TAOK1: variants seen among roughly 807,000 people sequenced by gnomAD.
TAOK1 encodes serine/threonine-protein kinase TAO1.
In TAOK1, 21 loss-of-function variants were observed where a neutral mutation model predicts 138.3. The ratio of observed to expected loss-of-function variants is 0.15; its 90% CI spans 0.11 to 0.22. The LOEUF (loss-of-function observed/expected upper bound fraction) is 0.22. TAOK1 is among the 10% of genes least tolerant of loss of function. The pLI, the probability that TAOK1 is intolerant of heterozygous loss-of-function variation, is 1.00. For synonymous variants in TAOK1, 361 were observed against 398.4 expected, an observed-to-expected ratio of 0.91 and a Z score of 1.12; for missense variants, 651 against 1,227.7, an observed-to-expected ratio of 0.53 and a Z score of 7.02.
chr17:29,468,835 C>T lies in TAOK1; in HGVS notation c.204+1619C>T, dbSNP rs1427367675. Among the ~76,000 whole-genome samples, 4 of 152,322 alleles carry T rather than the reference C, an allele frequency of 2.6e-5. No individual in the cohort carries two copies. The South Asian group carries it at 6.2e-4, about 24-fold the overall frequency. On this transcript the variant is annotated intron_variant, in intron 3 of 19. Coordinates refer to ENST00000261716, the MANE Select transcript of TAOK1 (RefSeq NM_020791.4). ...AAGTACTGAGATTACAGGCGTGAGC[C>T]ACCGCACCTAGCCTGTGATCTTTAA...
At chr17:29,391,991 C>T (rs1033628582) in intron 1 of TAOK1, among the ~76,000 whole-genome samples, 28 of 152,108 alleles carry the variant, frequency 1.8e-4, no homozygotes, top group Admixed American at 1.2e-3. Flanking sequence ...CCAAGGCGGG[C>T]GGATCACGAA....
At chr17:29,470,595 T>G (rs965828759) in intron 3 of TAOK1, among the ~76,000 whole-genome samples, 2 of 152,180 alleles carry the variant, frequency 1.3e-5, no homozygotes, top group Non-Finnish European at 2.9e-5. Context: ...TATATAGTTA[T>G]CAACATGATT....
chr17:29,432,315 T>A (rs1459715280), intron 1 of TAOK1, among the ~76,000 whole-genome samples: 2 of 152,208 alleles, frequency 1.3e-5, no homozygotes, highest in Non-Finnish European at 2.9e-5. Context: ...AGATCACTCA[T>A]GGTATTGTTT....
chr17:29,475,930 G>T (rs533451070), intron 4 of TAOK1, among the ~76,000 whole-genome samples, 159 bp downstream of exon 4: 106 of 152,296 alleles, frequency 7.0e-4, no homozygotes, highest in African/African-American at 2.5e-3. Flanking sequence ...GAACTTGTAG[G>T]CAGTAAGAGA....
At chr17:29,522,254 C>G in intron 16 of TAOK1, 26 bp from the exon 17 acceptor site, 7 of 1,611,572 alleles carry the variant, frequency 4.3e-6, no homozygotes, top group South Asian at 1.1e-5. Context: ...GTAAGTTATA[C>G]CTTTGTCTTT....
chr17:29,499,696 A>T (rs1466854588), intron 12 of TAOK1, among the ~76,000 whole-genome samples: 1 of 151,064 alleles, frequency 6.6e-6, no homozygotes, highest in African/African-American at 2.4e-5. Context: ...AGTAGCTGGG[A>T]TTACAGGTGT....
At chr17:29,392,457 ATGTT>A (rs1282297814) in intron 1 of TAOK1, among the ~76,000 whole-genome samples, 1 of 152,000 alleles carries the variant, frequency 6.6e-6, no homozygotes. Flanking sequence ...GCTACCTGTC[ATGTT>A]TGTCTGAAAG....
chr17:29,513,125 C>T (rs2031754398), intron 15 of TAOK1: 1 of 124,794 alleles, frequency 8.0e-6, no homozygotes, highest in Non-Finnish European at 1.6e-5. Flanking sequence ...TACTGTGATA[C>T]ATCGATTGAT....
intron 1 of TAOK1, among the ~76,000 whole-genome samples, chr17:29,394,818 G>A (rs1433739303): frequency 6.6e-6 from 1 of 152,214 alleles, no homozygotes; most frequent in Non-Finnish European, 1.5e-5. Flanking sequence ...TTCTGGGCTG[G>A]GCAAAGTGGC....
intron 1 of TAOK1, among the ~76,000 whole-genome samples, chr17:29,440,407 A>AC (rs1468491802): frequency 6.6e-6 from 1 of 151,908 alleles, no homozygotes; most frequent in Non-Finnish European, 1.5e-5. Context: ...CTGCTCCACA[A>AC]CCCCCCAAAA....
At chr17:29,407,478 C>G (rs1905026508) in intron 1 of TAOK1, among the ~76,000 whole-genome samples, 1 of 152,124 alleles carries the variant, frequency 6.6e-6, no homozygotes, top group Non-Finnish European at 1.5e-5. Flanking sequence ...CAGAGTCTCA[C>G]TCTGTCACCC....
At chr17:29,492,539 T>A (rs1301924013) in intron 10 of TAOK1, among the ~76,000 whole-genome samples, 1 of 151,510 alleles carries the variant, frequency 6.6e-6, no homozygotes, top group Non-Finnish European at 1.5e-5. Context: ...ACGCCTGTAA[T>A]CCCAGCACTT....
At chr17:29,526,331 T>C (rs2032008931) in intron 17 of TAOK1, among the ~76,000 whole-genome samples, 2 of 152,192 alleles carry the variant, frequency 1.3e-5, no homozygotes, top group Non-Finnish European at 2.9e-5. Context: ...GAATGGATGC[T>C]ATTTTACTGA....
At chr17:29,395,057 C>T (rs1904553135) in intron 1 of TAOK1, among the ~76,000 whole-genome samples, 1 of 151,844 alleles carries the variant, frequency 6.6e-6, no homozygotes, top group African/African-American at 2.4e-5. Context: ...GCCTGGGCAA[C>T]ATAGTGAGAC....
At chr17:29,457,089 CTTTTTTTTTTTTTTTTTTTTTT>C (rs1225336026) in intron 2 of TAOK1, among the ~76,000 whole-genome samples, 1 of 107,408 alleles carries the variant, frequency 9.3e-6, no homozygotes, top group Non-Finnish European at 1.9e-5. Context: ...TTTTCTTTTT[CTTTTTTTTTTTTTTTTTTTTTT>C]GAGACAGAGT....
At chr17:29,456,434 C>T (rs2030378553) in intron 2 of TAOK1, among the ~76,000 whole-genome samples, 1 of 150,346 alleles carries the variant, frequency 6.7e-6, no homozygotes, top group Non-Finnish European at 1.5e-5. Context: ...TTTTTGATTA[C>T]AGATTCAATC....
chr17:29,392,550 G>T (rs1047389868), intron 1 of TAOK1, among the ~76,000 whole-genome samples: 1 of 152,106 alleles, frequency 6.6e-6, no homozygotes, highest in Non-Finnish European at 1.5e-5. Flanking sequence ...TAAACATTCT[G>T]GAAATGTGCT....
chr17:29,494,825 CAAA>C (rs368548444), intron 10 of TAOK1, among the ~76,000 whole-genome samples: 1 of 48,312 alleles, frequency 2.1e-5, no homozygotes, highest in Admixed American at 2.1e-4. Context: ...GACTCCGTCT[CAAA>C]AAAAAAAAAA....
At chr17:29,395,801 G>A (rs1241744504) in intron 1 of TAOK1, among the ~76,000 whole-genome samples, 1 of 147,488 alleles carries the variant, frequency 6.8e-6, no homozygotes, top group Non-Finnish European at 1.5e-5. Context: ...GGCACTACAG[G>A]TACATGCCAC....
Sources: allele counts gnomAD v4.1 joint callset (sites outside exome capture counted in the v4.1 genomes callset), GRCh38; gene constraint gnomAD v4.1.1; transcripts MANE v1.5; gene names NCBI Gene and HGNC (gene_info 2026-07-23, HGNC 2026-07-21).